ZDHHC13: variants seen among roughly 807,000 people sequenced by gnomAD.
ZDHHC13 encodes zDHHC palmitoyltransferase 13, also known as palmitoyltransferase ZDHHC13.
In ZDHHC13, 85 loss-of-function variants were observed where a neutral mutation model predicts 86.0. The observed-to-expected ratio is 0.99, with a 90% CI of 0.83 to 1.18. The LOEUF is 1.18. Among genes scored for constraint, ZDHHC13 ranks in the 50% most tolerant of loss-of-function variants. The pLI is 0.00. For synonymous variants in ZDHHC13, 263 were observed against 246.4 expected (o/e 1.07, Z -0.63); for missense variants, 711 against 730.2 (o/e 0.97, Z 0.30).
chr11:19,132,524 G>A (rs182235806), intron 1 of ZDHHC13, among the ~76,000 whole-genome samples: 7 of 152,262 alleles, frequency 4.6e-5, no homozygotes, highest in African/African-American at 1.4e-4. Flanking sequence ...CTAGTACTCT[G>A]CAAAGACTCA....
intron 1 of ZDHHC13, among the ~76,000 whole-genome samples, chr11:19,137,848 G>A (rs61887279): frequency 8.0e-6 from 1 of 125,142 alleles, no homozygotes; most frequent in Non-Finnish European, 1.7e-5. Flanking sequence ...AAATAAAGAT[G>A]TTCTTTGAAA....
chr11:19,148,601 A>G (rs374845636), intron 4 of ZDHHC13: 6 of 152,252 alleles, frequency 3.9e-5, no homozygotes, highest in Admixed American at 2.6e-4. Flanking sequence ...ATTATTATTC[A>G]CGTATGGTAA....
At chr11:19,155,645 C>A in intron 8 of ZDHHC13, 151 bp from the exon 9 acceptor site, 6 of 529,558 alleles carry the variant, frequency 1.1e-5, no homozygotes, top group East Asian at 5.7e-5. Context: ...TCAAATTTAT[C>A]AATCAGCAAT....
At chr11:19,142,386 T>G (rs542623736) in intron 1 of ZDHHC13, among the ~76,000 whole-genome samples, 101 of 152,296 alleles carry the variant, frequency 6.6e-4, no homozygotes, top group Non-Finnish European at 1.2e-3. Flanking sequence ...AACATGACCA[T>G]GGGAGTAATT....
At chr11:19,135,276 G>A (rs1171499427) in intron 1 of ZDHHC13, among the ~76,000 whole-genome samples, 1 of 152,228 alleles carries the variant, frequency 6.6e-6, no homozygotes, top group Non-Finnish European at 1.5e-5. Flanking sequence ...CAAGGGGTCA[G>A]GGAGTTCCCT....
rs1848711154 is a variant in ZDHHC13, at chr11:19,119,294, A to C, written c.27+2018A>C. On this transcript the variant is annotated intron_variant, in intron 1 of 16. Coordinates refer to ENST00000446113, the MANE Select transcript of ZDHHC13 (RefSeq NM_019028.3). ...CCCTGCTAATTTTTTGTATAGTAAGATGGGGTTTCACCATGTTGGCCAGGA... is the reference window on the plus strand; with the variant it reads ...CCCTGCTAATTTTTTGTATAGTAAGCTGGGGTTTCACCATGTTGGCCAGGA... Among the ~76,000 whole-genome samples, 4 of 152,064 alleles carry C rather than the reference A, an allele frequency of 2.6e-5. No individual in the cohort carries two copies. The South Asian group carries it at 8.3e-4, about 32-fold the overall frequency.
In ZDHHC13 at chr11:19,155,893, T is replaced by C. The variant is rs373285441; in HGVS notation, c.971T>C (p.Leu324Pro). The change falls in exon 9 of 17, where the codon CTA (leucine) becomes CCA (proline). Residue 324 changes from leucine (L) to proline (P), a missense_variant. Coordinates refer to ENST00000446113, the MANE Select transcript of ZDHHC13 (RefSeq NM_019028.3). The stretch of plus-strand genomic sequence containing the variant: ...TCTTGGCTTTTAAAAGGATGTCTTC[T>C]AGTAACACTGTTTTTTCTGACATCT... ...SDSWLLKGCL[L>P]VTLFFLTSLF... 4 of 1,611,710 alleles carry C rather than the reference T, an allele frequency of 2.5e-6. No homozygotes were observed. Among genetic ancestry groups the C allele is most frequent in the Non-Finnish European group, 2.5e-6 (3 of 1,179,478 alleles).
At chr11:19,147,464 G>T (rs1252166912) in intron 3 of ZDHHC13, 132 bp from the exon 4 acceptor site, 4 of 684,580 alleles carry the variant, frequency 5.8e-6, no homozygotes, top group African/African-American at 3.6e-5. Flanking sequence ...TATAGATCTG[G>T]GTGTTTTAGG....
chr11:19,127,080 A>G (rs962859100), intron 1 of ZDHHC13, among the ~76,000 whole-genome samples: 1 of 152,218 alleles, frequency 6.6e-6, no homozygotes, highest in Non-Finnish European at 1.5e-5. Flanking sequence ...TCAACAGTGT[A>G]TAAGCATTCC....
At chr11:19,170,370 A>C in intron 14 of ZDHHC13, 41 bp from the exon 15 acceptor site, 1 of 1,280,870 alleles carries the variant, frequency 7.8e-7, no homozygotes, top group Non-Finnish European at 1.0e-6. Context: ...TAAGTAGTTT[A>C]TTGCCTTTTT....
rs7101852 is a variant in ZDHHC13, at chr11:19,131,768, A to G, written c.28-11210A>G. ...CCTGCCTCAGTCTCTCGAGCAGCTG[A>G]GATTACAGGCATGGGCCACCATGCC... On this transcript the variant is annotated intron_variant, in intron 1 of 16. Coordinates refer to ENST00000446113, the MANE Select transcript of ZDHHC13 (RefSeq NM_019028.3). Among the ~76,000 whole-genome samples the G allele has an allele frequency of 6.9e-3, 1,041 of 151,822 alleles. 9 individuals are homozygous for G. Among genetic ancestry groups the G allele is most frequent in the African/African-American group, 0.024 (983 of 41,388 alleles).
chr11:19,121,818 A>G (rs1183038798), intron 1 of ZDHHC13, among the ~76,000 whole-genome samples: 2 of 152,198 alleles, frequency 1.3e-5, no homozygotes, highest in African/African-American at 4.8e-5. Context: ...GTGTATTGAT[A>G]TGTCCCTTTC....
intron 1 of ZDHHC13, among the ~76,000 whole-genome samples, chr11:19,138,185 A>C (rs1849201692): frequency 6.6e-6 from 1 of 151,208 alleles, no homozygotes; most frequent in Non-Finnish European, 1.5e-5. Flanking sequence ...TAAAGAAAAA[A>C]AGAGAGAAGA....
rs148256510 is a variant in ZDHHC13 at position 19,157,508 on chromosome 11, A to G, written c.1008-1432A>G. On this transcript the variant is annotated intron_variant, in intron 9 of 16. Transcript: ENST00000446113. ...TGGCTGGAAATGAATTAGAATTTAAATGTAATGTGAAAACTCAAATTTCTG... is the reference window on the plus strand; with the variant it reads ...TGGCTGGAAATGAATTAGAATTTAAGTGTAATGTGAAAACTCAAATTTCTG... Among the ~76,000 whole-genome samples, 941 of 152,342 alleles carry G rather than the reference A, an allele frequency of 6.2e-3. 38 individuals are homozygous for G. Among genetic ancestry groups the G allele is most frequent in the Admixed American group, 0.052 (796 of 15,298 alleles).
chr11:19,121,080 A>G (rs1212407088), intron 1 of ZDHHC13, among the ~76,000 whole-genome samples: 1 of 152,276 alleles, frequency 6.6e-6, no homozygotes, highest in Non-Finnish European at 1.5e-5. Flanking sequence ...AAAAAGGTCC[A>G]TGACATTTGG....
At position 19,127,131 on chromosome 11, in the gene ZDHHC13, G is replaced by T. The variant is rs7926733; in HGVS notation, c.27+9855G>T. Among the ~76,000 whole-genome samples, 1,043 of 152,094 alleles carry T rather than the reference G, an allele frequency of 6.9e-3. 9 individuals carry two copies. The highest frequency in any genetic ancestry group is 0.024 in the African/African-American group (984 of 41,490). ...TTGCCAGCATCTCTTATTTTTTGACGTTTGAATAATAGCATTCTGACTAGT... is the reference window on the plus strand; with the variant it reads ...TTGCCAGCATCTCTTATTTTTTGACTTTTGAATAATAGCATTCTGACTAGT... On this transcript the variant is annotated intron_variant, in intron 1 of 16. Coordinates refer to ENST00000446113, the MANE Select transcript of ZDHHC13 (RefSeq NM_019028.3).
At chr11:19,150,588 C>A in intron 5 of ZDHHC13, 139 bp from the exon 6 acceptor site, 3 of 669,122 alleles carry the variant, frequency 4.5e-6, no homozygotes, top group Non-Finnish European at 7.2e-6. Flanking sequence ...GCAAAACATT[C>A]TTTTTATCAA....
chr11:19,167,692 G>A (rs999762977), intron 14 of ZDHHC13: 2 of 152,122 alleles, frequency 1.3e-5, no homozygotes, highest in Non-Finnish European at 2.9e-5. Context: ...ATTTTAAATA[G>A]GTCTAATAGT....
intron 9 of ZDHHC13, among the ~76,000 whole-genome samples, chr11:19,156,354 G>A (rs1370763318): frequency 6.6e-6 from 1 of 152,044 alleles, no homozygotes; most frequent in Non-Finnish European, 1.5e-5. Flanking sequence ...GTTAAATTGT[G>A]AGAGATTATA....
Sources: allele counts gnomAD v4.1 joint callset (sites outside exome capture counted in the v4.1 genomes callset), GRCh38; gene constraint gnomAD v4.1.1; transcripts MANE v1.5; gene names NCBI Gene and HGNC (gene_info 2026-07-23, HGNC 2026-07-21).